EIF1AX: variants seen among roughly 807,000 people sequenced by gnomAD.
EIF1AX encodes eukaryotic translation initiation factor 1A X-linked, also known as eukaryotic translation initiation factor 1A, X-chromosomal.
A neutral mutation model predicts 16.1 loss-of-function variants in EIF1AX; 1 was observed. The observed-to-expected ratio is 0.06, with a 90% CI of 0.02 to 0.30. EIF1AX has a LOEUF of 0.30. EIF1AX is among the 10% of genes least tolerant of loss of function. The pLI is 1.00. For missense variants in EIF1AX, 11 were observed against 109.1 expected (o/e 0.10, Z 4.00); for synonymous variants, 32 against 37.3 (o/e 0.86, Z 0.51).
At chrX:20,130,073 G>T (rs1378032804) in intron 6 of EIF1AX, among the ~76,000 whole-genome samples, 2 of 110,459 alleles carry the variant, frequency 1.8e-5, no homozygotes, top group African/African-American at 6.6e-5. Context: ...AGGCCGAGGA[G>T]GGCAGATCAC....
At chrX:20,131,823 G>A (rs754312518) in intron 5 of EIF1AX, among the ~76,000 whole-genome samples, 33 of 107,413 alleles carry the variant, frequency 3.1e-4, no homozygotes, top group Non-Finnish European at 4.4e-4. Context: ...CTCCCAAGTA[G>A]CTGAGACTAC....
At chrX:20,131,719 G>T (rs1479894345) in intron 5 of EIF1AX, among the ~76,000 whole-genome samples, 3 of 97,392 alleles carry the variant, frequency 3.1e-5, no homozygotes, top group Non-Finnish European at 4.1e-5. Context: ...TTGAGACAAG[G>T]TCTCACTTTG....
chrX:20,133,972 A>G lies in EIF1AX; in HGVS notation c.240T>C (p.Gly80=). Residue 80 remains glycine (G), a synonymous_variant, in exon 4 of 7, where the codon GGT becomes GGC. Coordinates refer to ENST00000379607, the MANE Select transcript of EIF1AX (RefSeq NM_001412.4). ...TAAATTTTACCTGGTAGTCTCGGAG[A>G]CCAACCAAAATAATGTCCGAGGTAT... ...WINTSDIILV[G]LRDYQDNKAD... is the part of the protein sequence containing the mutation. 1 of 1,201,260 alleles carries G rather than the reference A, an allele frequency of 8.3e-7. No homozygotes were observed. The highest frequency in any genetic ancestry group is 1.1e-6 in the Non-Finnish European group (1 of 890,635).
At chrX:20,133,647 A>ATCAC (rs1569173722) in intron 4 of EIF1AX, among the ~76,000 whole-genome samples, 1 of 111,328 alleles carries the variant, frequency 9.0e-6, no homozygotes, top group African/African-American at 3.3e-5. Flanking sequence ...AAGGGTTACC[A>ATCAC]TCACGAAAGG....
At chrX:20,141,381 T>A (rs752270507) in intron 1 of EIF1AX, among the ~76,000 whole-genome samples, 1 of 111,670 alleles carries the variant, frequency 9.0e-6, no homozygotes, top group African/African-American at 3.3e-5. Flanking sequence ...AAAGCCCACA[T>A]TCTCCCGCAG....
At chrX:20,129,412 CTTA>C (rs2066994531) in intron 6 of EIF1AX, among the ~76,000 whole-genome samples, 1 of 111,645 alleles carries the variant, frequency 9.0e-6, no homozygotes, top group Non-Finnish European at 1.9e-5. Flanking sequence ...CCACATCTGA[CTTA>C]TTATTGTTTT....
Position 20,128,263 on chromosome X carries a change from G to A in EIF1AX, c.*43C>T, listed in dbSNP as rs779723263. The A allele has an allele frequency of 2.6e-6, 3 of 1,158,757 alleles. No individual in the cohort carries two copies. The highest frequency in any genetic ancestry group is 3.5e-6 in the Non-Finnish European group (3 of 856,650). ...GTCATGATCAAAATCCAAATTGTAGGACAATCTTCAGAAAAGATGGAATGT... is the reference window on the plus strand; with the variant it reads ...GTCATGATCAAAATCCAAATTGTAGAACAATCTTCAGAAAAGATGGAATGT... On this transcript the variant is annotated 3_prime_UTR_variant, in exon 7 of 7. Coordinates refer to ENST00000379607, the MANE Select transcript of EIF1AX (RefSeq NM_001412.4).
chrX:20,134,291 G>C (rs2067009252), intron 3 of EIF1AX, among the ~76,000 whole-genome samples: 1 of 111,807 alleles, frequency 8.9e-6, no homozygotes, highest in Non-Finnish European at 1.9e-5. Context: ...GGGAGGCTGA[G>C]GCTGGAGAAT....
chrX:20,139,237 A>T (rs2067026790), intron 1 of EIF1AX, among the ~76,000 whole-genome samples: 1 of 111,411 alleles, frequency 9.0e-6, no homozygotes, highest in African/African-American at 3.3e-5. Flanking sequence ...AAAATAAAGA[A>T]GATCTGTTCG....
rs1264400176 is a variant in EIF1AX, at chrX:20,126,046, G to T, written c.*2260C>A. 7.7e-6 allele frequency: 1 copy of T among 129,988 alleles called. No homozygotes were observed. Among genetic ancestry groups the T allele is most frequent in the African/African-American group, 3.4e-5 (1 of 29,735 alleles). The allele number at this position is 129,988 out of a possible 1,213,427, so 10.7% of individuals were successfully genotyped here. On this transcript the variant is annotated 3_prime_UTR_variant, in exon 7 of 7. Transcript: ENST00000379607. ...TCTAACTGCAAGTGGAATAAACATTGCAACAAAAATGCAACCCAATCAAAA... is the reference window on the plus strand; with the variant it reads ...TCTAACTGCAAGTGGAATAAACATTTCAACAAAAATGCAACCCAATCAAAA...
intron 6 of EIF1AX, among the ~76,000 whole-genome samples, chrX:20,130,131 G>A (rs1390317827): frequency 1.8e-5 from 2 of 108,558 alleles, no homozygotes; most frequent in African/African-American, 3.4e-5. Flanking sequence ...GTGAAACCTC[G>A]TCTCTACTAA....
At chrX:20,128,950 A>T (rs1603414890) in intron 6 of EIF1AX, among the ~76,000 whole-genome samples, 2 of 105,624 alleles carry the variant, frequency 1.9e-5, no homozygotes. Context: ...TTTTTTTTTT[A>T]AAGAGGCCTT....
At chrX:20,137,631 G>C (rs962534032) in intron 2 of EIF1AX, among the ~76,000 whole-genome samples, 4 of 111,535 alleles carry the variant, frequency 3.6e-5, no homozygotes, top group Admixed American at 2.9e-4. Context: ...ATGTATCTTG[G>C]TCTGGCACTT....
In EIF1AX at chrX:20,128,110, T is replaced by C; in HGVS notation, c.*196A>G. On this transcript the variant is annotated 3_prime_UTR_variant, in exon 7 of 7. Coordinates refer to ENST00000379607, the MANE Select transcript of EIF1AX (RefSeq NM_001412.4). ...GCTCCATTACATTAAAAGAACAAAGTGGGCTTAACATCTCACTTAAGATAA... is the reference window on the plus strand; with the variant it reads ...GCTCCATTACATTAAAAGAACAAAGCGGGCTTAACATCTCACTTAAGATAA... 3.0e-6 allele frequency: 1 copy of C among 330,076 alleles called. No homozygotes were observed. Among genetic ancestry groups the C allele is most frequent in the Non-Finnish European group, 5.3e-6 (1 of 187,111 alleles). 27.2% of individuals were successfully genotyped at this position (330,076 alleles called of 1,213,427 possible). A position where few individuals can be genotyped will look rare whatever the true frequency, so the allele number is the denominator to read the frequency against.
At chrX:20,130,020 G>A (rs1230397839) in intron 6 of EIF1AX, among the ~76,000 whole-genome samples, 1 of 110,719 alleles carries the variant, frequency 9.0e-6, no homozygotes, top group Non-Finnish European at 1.9e-5. Context: ...CTCAAAATAG[G>A]GCCGGGCATG....
rs767992721 is a variant in EIF1AX, at chrX:20,127,559, T to TG, written c.*746_*747insC. 1 of 144,748 alleles carries TG rather than the reference T, an allele frequency of 6.9e-6. No homozygotes were observed. The highest frequency in any genetic ancestry group is 1.4e-5 in the Non-Finnish European group (1 of 72,842). 11.9% of individuals were successfully genotyped at this position (144,748 alleles called of 1,213,427 possible). On this transcript the variant is annotated 3_prime_UTR_variant, in exon 7 of 7. Coordinates refer to ENST00000379607, the MANE Select transcript of EIF1AX (RefSeq NM_001412.4). Reference sequence around the variant, plus strand: ...TATGATCAAAACAATCTTTTCATGTTTGGGGTATTTCTTACACATAGTAAA... The same window carrying TG: ...TATGATCAAAACAATCTTTTCATGTTGTGGGGTATTTCTTACACATAGTAAA...
Position 20,132,283 on chromosome X carries a change from C to A in EIF1AX, c.256-20G>T. 1 of 1,011,572 alleles carries A rather than the reference C, an allele frequency of 9.9e-7. No individual in the cohort carries two copies. The allele number at this position is 1,011,572 out of a possible 1,213,427, so 83.4% of individuals were successfully genotyped here. ...GTTATCCTTAAATAGAGACAAATAA[C>A]TTTAAAAAACTGATCATAACAAAAT... On this transcript the variant is annotated intron_variant, in intron 4 of 6. Coordinates refer to ENST00000379607, the MANE Select transcript of EIF1AX (RefSeq NM_001412.4).
intron 5 of EIF1AX, among the ~76,000 whole-genome samples, chrX:20,131,488 C>T (rs2067000986): frequency 9.2e-6 from 1 of 109,225 alleles, no homozygotes; most frequent in Non-Finnish European, 1.9e-5. Flanking sequence ...CAAAATTAGC[C>T]GGGCATGGTG....
rs1255128941 is a variant in EIF1AX at position 20,141,802 on chromosome X, G to A, written c.-162C>T. ...GAGGCTGGCGACCCAGCTCTTCAGA[G>A]ATCCGCCTGCGTCCACGCTCGGCGG... On this transcript the variant is annotated 5_prime_UTR_variant, in exon 1 of 7. Coordinates refer to ENST00000379607, the MANE Select transcript of EIF1AX (RefSeq NM_001412.4). 4.1e-6 allele frequency: 2 copies of A among 492,775 alleles called. No homozygotes were observed. Among genetic ancestry groups the A allele is most frequent in the African/African-American group, 2.5e-5 (1 of 39,336 alleles). 40.6% of individuals were successfully genotyped at this position (492,775 alleles called of 1,213,427 possible).
Sources: allele counts gnomAD v4.1 joint callset (sites outside exome capture counted in the v4.1 genomes callset), GRCh38; gene constraint gnomAD v4.1.1; transcripts MANE v1.5; gene names NCBI Gene and HGNC (gene_info 2026-07-23, HGNC 2026-07-21).